Variants in CLEC10A observed in about 807,000 individuals in gnomAD.
The protein encoded by CLEC10A is C-type lectin domain containing 10A.
CLEC10A carries 38 observed loss-of-function variants against 42.0 expected under a neutral mutation model. The observed-to-expected ratio is 0.90, with a 90% confidence interval of 0.70 to 1.18. The LOEUF (loss-of-function observed/expected upper bound fraction) is 1.18. Among genes scored for constraint, CLEC10A ranks in the 50% most tolerant of loss-of-function variants. CLEC10A has a pLI of 0.00. For missense variants in CLEC10A, 298 were observed against 345.9 expected (o/e 0.86, Z 1.10); for synonymous variants, 126 against 139.9 (o/e 0.90, Z 0.70).
chr17:7,077,842 C>T (rs1911935752), intron 3 of CLEC10A, among the ~76,000 whole-genome samples, 155 bp downstream of exon 3: 1 of 144,488 alleles, frequency 6.9e-6, no homozygotes, highest in African/African-American at 2.6e-5. Flanking sequence ...TCACCATGCC[C>T]CATTGTTATC....
chr17:7,076,937 A>G lies in CLEC10A; in HGVS notation c.235T>C (p.Phe79Leu), dbSNP rs1911797213. 3.7e-6 allele frequency: 6 copies of G among 1,613,828 alleles called. No homozygotes were observed. Among genetic ancestry groups the G allele is most frequent in the Non-Finnish European group, 5.1e-6 (6 of 1,179,974 alleles). Residue 79 changes from phenylalanine to leucine, a missense_variant, in exon 4 of 9, where the codon TTC (phenylalanine) becomes CTC (leucine). Phe to Leu is a conservative substitution (Grantham distance 22). Around this residue, in one of 3 missense-constraint regions of CLEC10A, gnomAD observed 267 missense variants for 289.5 expected, o/e 0.92. Transcript: ENST00000416562. Reference sequence around the variant, plus strand: ...ATCTCCGCCACAGTGTTTGAGGTGAAGTTGCTAAAATCTGTTCTCAGGGTC... The same window carrying G: ...ATCTCCGCCACAGTGTTTGAGGTGAGGTTGCTAAAATCTGTTCTCAGGGTC... ...LVTLRTDFSN[F>L]TSNTVAEIQA...
rs188363668 is a variant in CLEC10A, at chr17:7,074,985, G to A, written c.*69C>T. 71 of 1,339,354 alleles carry A rather than the reference G, an allele frequency of 5.3e-5. No homozygotes were observed. The highest frequency in any genetic ancestry group is 2.8e-4 in the Middle Eastern group (1 of 3,584). The allele number at this position is 1,339,354 out of a possible 1,614,324, so 83.0% of individuals were successfully genotyped here. A position where few individuals can be genotyped will look rare whatever the true frequency, so the allele number is the denominator to read the frequency against. On this transcript the variant is annotated 3_prime_UTR_variant, in exon 9 of 9. Transcript: ENST00000416562. ...TATTTCTCTCCCAGAGCGGTCTTGC[G>A]AGGAGGTCGTGAGAAGAGTCCTCCT...
chr17:7,075,032 G>C lies in CLEC10A; in HGVS notation c.*22C>G, dbSNP rs375775825. 4 of 1,525,546 alleles carry C rather than the reference G, an allele frequency of 2.6e-6. No individual in the cohort carries two copies. The highest frequency in any genetic ancestry group is 3.5e-6 in the Non-Finnish European group (4 of 1,141,026). The allele number at this position is 1,525,546 out of a possible 1,614,324, so 94.5% of individuals were successfully genotyped here. Reference sequence around the variant, plus strand: ...TCCTCCCACCGCCATTTCTGTGGCCGGGTGGTCCCACCAAAGGCAGCTCAG... The same window carrying C: ...TCCTCCCACCGCCATTTCTGTGGCCCGGTGGTCCCACCAAAGGCAGCTCAG... On this transcript the variant is annotated 3_prime_UTR_variant, in exon 9 of 9. Coordinates refer to ENST00000416562, the MANE Select transcript of CLEC10A (RefSeq NM_001330070.2).
chr17:7,075,206 G>A lies in CLEC10A; in HGVS notation c.718C>T (p.Gln240Ter). 6.5e-7 allele frequency: 1 copy of A among 1,547,224 alleles called. No individual in the cohort carries two copies. The highest frequency in any genetic ancestry group is 8.7e-7 in the Non-Finnish European group (1 of 1,150,256). ...CCGTGCCCCTGCCAGTCGTCTGGCTGGCCTGGCTTCCAGTTCCTGAGAGGA... is the reference window on the plus strand; with the variant it reads ...CCGTGCCCCTGCCAGTCGTCTGGCTAGCCTGGCTTCCAGTTCCTGAGAGGA... ...ATGFQNWKPG[Q>*]PDDWQGHGLG... Residue 240 changes from glutamine to a stop codon, truncating the protein, a stop_gained, in exon 9 of 9, where the codon CAG becomes TAG. Transcript: ENST00000416562. LOFTEE classifies it high-confidence loss of function.
chr17:7,078,711 A>C (rs1912004413), intron 2 of CLEC10A, 35 bp downstream of exon 2: 1 of 1,585,492 alleles, frequency 6.3e-7, no homozygotes, highest in South Asian at 1.1e-5. Flanking sequence ...ACATATAAAG[A>C]GGGCATTTTA....
At chr17:7,078,506 A>G (rs1911989597) in intron 2 of CLEC10A, 1 of 559,874 alleles carries the variant, frequency 1.8e-6, no homozygotes. Context: ...CCCTCCACCA[A>G]TGCGCAGCTC....
chr17:7,078,240 G>T, intron 2 of CLEC10A, 127 bp from the exon 3 acceptor site: 1 of 655,650 alleles, frequency 1.5e-6, no homozygotes. Context: ...GTTGGACAAG[G>T]AGGATTTTGG....
chr17:7,076,381 G>A (rs1287795123), intron 5 of CLEC10A, among the ~76,000 whole-genome samples: 1 of 148,128 alleles, frequency 6.8e-6, no homozygotes, highest in Non-Finnish European at 1.5e-5. Flanking sequence ...CGCGATCTCG[G>A]CTCACGGCTA....
chr17:7,076,740 C>T lies in CLEC10A; in HGVS notation c.345G>A (p.Arg115=). The T allele has an allele frequency of 6.2e-7, 1 of 1,613,670 alleles. No homozygotes were observed. Among genetic ancestry groups the T allele is most frequent in the Non-Finnish European group, 8.5e-7 (1 of 1,179,918 alleles). ...ACTCGGAGGGTCTCTCACCTGCCTG[C>T]CGTTCCTGCTTGAAACCCTCCACCT... ...KAEVEGFKQE[R]QAVHSEMLLR... Residue 115 remains arginine, a synonymous_variant, in exon 5 of 9, where the codon CGG becomes CGA. Transcript: ENST00000416562.
chr17:7,077,182 C>A (rs1314523948), intron 3 of CLEC10A, among the ~76,000 whole-genome samples, 195 bp from the exon 4 acceptor site: 1 of 152,044 alleles, frequency 6.6e-6, no homozygotes, highest in African/African-American at 2.4e-5. Context: ...CATAACCCAA[C>A]TACTCAGTGA....
rs748400637 is a variant in CLEC10A, at chr17:7,075,869, G to T, written c.456C>A (p.Thr152=). ...TLNNNASTEG[T]CCPVNWVEHQ... is the part of the protein sequence containing the mutation. ...GCTCCACCCAGTTGACAGGGCAGCA[G>T]GTCCCTTCAGTGGAGGCTGATTGGG... The change falls in exon 7 of 9, where the codon ACC becomes ACA. Residue 152 remains threonine (T), a synonymous_variant. Transcript: ENST00000416562. 2 of 1,612,234 alleles carry T rather than the reference G, an allele frequency of 1.2e-6. No homozygotes were observed. The highest frequency in any genetic ancestry group is 2.2e-5 in the South Asian group (2 of 91,006).
chr17:7,076,206 A>T, intron 5 of CLEC10A, 135 bp from the exon 6 acceptor site: 1 of 1,467,144 alleles, frequency 6.8e-7, no homozygotes, highest in Non-Finnish European at 9.1e-7. Flanking sequence ...CACCCCCTAC[A>T]TCATGGCCAG....
chr17:7,077,991 C>T lies in CLEC10A; in HGVS notation c.184+6G>A. On this transcript the variant is annotated splice_donor_region_variant and intron_variant, in intron 3 of 8. Transcript: ENST00000416562. ...TCTCTTCCCTGTCCACCCCTGTGACCCTCACTTTGGAATCCAACCACACAG... is the reference window on the plus strand; with the variant it reads ...TCTCTTCCCTGTCCACCCCTGTGACTCTCACTTTGGAATCCAACCACACAG... 6.3e-7 allele frequency: 1 copy of T among 1,599,304 alleles called. No homozygotes were observed. Among genetic ancestry groups the T allele is most frequent in the South Asian group, 1.1e-5 (1 of 90,746 alleles).
chr17:7,076,245 C>T (rs1251864841), intron 5 of CLEC10A, 174 bp from the exon 6 acceptor site: 40 of 1,202,114 alleles, frequency 3.3e-5, no homozygotes, highest in Non-Finnish European at 4.5e-5. Context: ...CTTTGGATTC[C>T]TCTGCCCCTG....
rs1912027781 is a variant in CLEC10A, at chr17:7,079,022, G to C, written c.-73-137C>G. On this transcript the variant is annotated intron_variant, in intron 1 of 8. Coordinates refer to ENST00000416562, the MANE Select transcript of CLEC10A (RefSeq NM_001330070.2). The stretch of plus-strand genomic sequence containing the variant: ...GGGTTTGCAGTCGAGTTAGAATTGG[G>C]GTCGAGTTGAGTTTGGGAGTGAAAC... 8 of 599,436 alleles carry C rather than the reference G, an allele frequency of 1.3e-5. No individual in the cohort carries two copies. The South Asian group carries it at 1.4e-4, about 10-fold the overall frequency. 37.1% of individuals were successfully genotyped at this position (599,436 alleles called of 1,614,324 possible).
chr17:7,077,053 G>A (rs1911803494), intron 3 of CLEC10A, 66 bp from the exon 4 acceptor site: 1 of 1,151,294 alleles, frequency 8.7e-7, no homozygotes, highest in Non-Finnish European at 1.3e-6. Flanking sequence ...CACCGAGCAG[G>A]GCCCTCCATA....
At position 7,076,995 on chromosome 17, in the gene CLEC10A, G is replaced by A. The variant is rs770345545; in HGVS notation, c.185-8C>T. On this transcript the variant is annotated splice_polypyrimidine_tract_variant and splice_region_variant and intron_variant, in intron 3 of 8. Coordinates refer to ENST00000416562, the MANE Select transcript of CLEC10A (RefSeq NM_001330070.2). The stretch of plus-strand genomic sequence containing the variant: ...CCCTCTGAAATTTGGAATCTAAACA[G>A]GTGGATGGGAAGGTCAGTGCTGGGA... 3 of 1,597,566 alleles carry A rather than the reference G, an allele frequency of 1.9e-6. No individual in the cohort carries two copies. The highest frequency in any genetic ancestry group is 2.2e-5 in the South Asian group (2 of 90,744).
Position 7,076,079 on chromosome 17 carries a change from A to G in CLEC10A, c.353-8T>C. The G allele has an allele frequency of 6.2e-7, 1 of 1,614,160 alleles. No homozygotes were observed. Among genetic ancestry groups the G allele is most frequent in the Non-Finnish European group, 8.5e-7 (1 of 1,180,030 alleles). On this transcript the variant is annotated splice_region_variant and splice_polypyrimidine_tract_variant and intron_variant, in intron 5 of 8. Transcript: ENST00000416562. ...GGAGCATTTCAGAATGAACTGGGAC[A>G]CACACAGATGGGCAGTGGGGACAGT...
chr17:7,078,861 G>A lies in CLEC10A; in HGVS notation c.-49C>T, dbSNP rs1415850017. 3 of 1,589,138 alleles carry A rather than the reference G, an allele frequency of 1.9e-6. No individual in the cohort carries two copies. The highest frequency in any genetic ancestry group is 1.7e-6 in the Non-Finnish European group (2 of 1,157,266). On this transcript the variant is annotated 5_prime_UTR_variant, in exon 2 of 9. Coordinates refer to ENST00000416562, the MANE Select transcript of CLEC10A (RefSeq NM_001330070.2). ...GTTGTCACAGCTGAAATGGAGGCAG[G>A]GCCGGCGCCCAGTCTGGGGTGGAGC...
Sources: gnomAD v4.1 joint callset for allele counts (sites outside exome capture counted in the v4.1 genomes callset) on GRCh38, gnomAD v4.1.1 for gene constraint, gnomAD v4.1.1 regional missense constraint, MANE v1.5 for transcripts, NCBI Gene and HGNC (gene_info 2026-07-23, HGNC 2026-07-21) for gene names.